Variants in NIPSNAP1 observed in about 807,000 individuals in gnomAD.
NIPSNAP1 encodes protein NipSnap homolog 1.
A neutral mutation model predicts 49.2 loss-of-function variants in NIPSNAP1; 25 were observed. That is an observed-to-expected ratio of 0.51 (90% CI 0.37 to 0.71). NIPSNAP1 has a LOEUF of 0.71. Ranked by LOEUF, NIPSNAP1 falls within the 30% of genes least tolerant of loss-of-function variation. NIPSNAP1 has a pLI of 0.00. For missense variants in NIPSNAP1, 294 were observed against 361.0 expected (o/e 0.81, Z 1.50); for synonymous variants, 143 against 140.7 (o/e 1.02, Z -0.12).
chr22:29,570,148 T>G lies in NIPSNAP1; in HGVS notation c.272+14A>C. On this transcript the variant is annotated intron_variant, in intron 3 of 9. Transcript: ENST00000216121. ...CCAAGCAGGGGATGGGATGTATGGA[T>G]GCAGGGTGCTCACGTGAGGCTGTTG... 2 of 1,613,384 alleles carry G rather than the reference T, an allele frequency of 1.2e-6. No individual in the cohort carries two copies. Among genetic ancestry groups the G allele is most frequent in the Non-Finnish European group, 1.7e-6 (2 of 1,179,444 alleles).
intron 1 of NIPSNAP1, among the ~76,000 whole-genome samples, chr22:29,577,032 C>A (rs1246784350): frequency 6.6e-6 from 1 of 151,246 alleles, no homozygotes; most frequent in Non-Finnish European, 1.5e-5. Context: ...TGAGCACAAG[C>A]TCTGGACAAA....
chr22:29,557,985 G>A (rs2064307729), intron 9 of NIPSNAP1, among the ~76,000 whole-genome samples: 1 of 152,158 alleles, frequency 6.6e-6, no homozygotes, highest in Non-Finnish European at 1.5e-5. Flanking sequence ...GTTCAAGGCT[G>A]GGCACAGTAG....
intron 1 of NIPSNAP1, among the ~76,000 whole-genome samples, chr22:29,578,592 G>A (rs2064473397): frequency 6.6e-6 from 1 of 151,362 alleles, no homozygotes; most frequent in South Asian, 2.1e-4. Flanking sequence ...GAGATATGGG[G>A]CAGCCTGAGG....
rs1186718807 is a variant in NIPSNAP1, at chr22:29,555,654, G to GAA, written c.*279_*280dup. On this transcript the variant is annotated 3_prime_UTR_variant, in exon 10 of 10. Transcript: ENST00000216121. Reference sequence around the variant, plus strand: ...GGTGGCCTTGAGATGAGGAATTTTAGAAGATAAATGAAGGCCTAAAAGATC... The same window carrying GAA: ...GGTGGCCTTGAGATGAGGAATTTTAGAAAAGATAAATGAAGGCCTAAAAGATC... 1 of 435,606 alleles carries GAA rather than the reference G, an allele frequency of 2.3e-6. No homozygotes were observed. The highest frequency in any genetic ancestry group is 4.5e-5 in the East Asian group (1 of 22,230). The allele number at this position is 435,606 out of a possible 1,614,324, so 27.0% of individuals were successfully genotyped here. A position where few individuals can be genotyped will look rare whatever the true frequency, so the allele number is the denominator to read the frequency against.
chr22:29,568,521 G>A lies in NIPSNAP1; in HGVS notation c.367+672C>T, dbSNP rs200280347. On this transcript the variant is annotated intron_variant, in intron 4 of 9. Transcript: ENST00000216121. ...GAAAAAAAAAAAAAAGGCCGGGTGC[G>A]GTGGCTCACACCTGTAATCCCAGCA... 4.5e-4 allele frequency among the ~76,000 whole-genome samples: 67 copies of A among 150,282 alleles called. 1 individual carries two copies. The highest frequency in any genetic ancestry group is 3.6e-3 in the South Asian group (17 of 4,776).
Position 29,581,068 on chromosome 22 carries a change from C to G in NIPSNAP1, c.15G>C (p.Leu5=). ...GCCGCGCCGTCACAGAGATGCTGCA[C>G]AGCCGCGGAGCCATGTTGGAGCCGC... MAPR[L]CSISVTARRL... Residue 5 remains leucine (L), a synonymous_variant, in exon 1 of 10, where the codon CTG becomes CTC. Coordinates refer to ENST00000216121, the MANE Select transcript of NIPSNAP1 (RefSeq NM_003634.4). The G allele has an allele frequency of 6.5e-7, 1 of 1,541,876 alleles. No homozygotes were observed. The highest frequency in any genetic ancestry group is 8.7e-7 in the Non-Finnish European group (1 of 1,146,144).
chr22:29,560,343 G>C (rs1053529781), intron 8 of NIPSNAP1, among the ~76,000 whole-genome samples: 1 of 151,872 alleles, frequency 6.6e-6, no homozygotes, highest in South Asian at 2.1e-4. Context: ...CACCTCCCGG[G>C]TTCAACTGAT....
At chr22:29,563,290 G>A (rs2064348873) in intron 4 of NIPSNAP1, among the ~76,000 whole-genome samples, 1 of 151,632 alleles carries the variant, frequency 6.6e-6, no homozygotes, top group Admixed American at 6.6e-5. Context: ...TCAACTTTGG[G>A]AGGCTGAGGC....
intron 1 of NIPSNAP1, among the ~76,000 whole-genome samples, chr22:29,573,820 T>TC (rs2064428857): frequency 6.7e-6 from 1 of 149,462 alleles, no homozygotes; most frequent in African/African-American, 2.5e-5. Flanking sequence ...GCGCCTGTAG[T>TC]CCCAGCTACT....
chr22:29,569,925 G>T, intron 3 of NIPSNAP1: 1 of 523,976 alleles, frequency 1.9e-6, no homozygotes, highest in Non-Finnish European at 3.4e-6. Flanking sequence ...GGAGGCAGAG[G>T]TTGCAGTGAG....
chr22:29,566,326 AGACAGG>A (rs2064368186), intron 4 of NIPSNAP1, among the ~76,000 whole-genome samples: 1 of 151,264 alleles, frequency 6.6e-6, no homozygotes, highest in South Asian at 2.1e-4. Context: ...TCTTTTTTAG[AGACAGG>A]GTCCTCACTG....
intron 1 of NIPSNAP1, among the ~76,000 whole-genome samples, chr22:29,578,916 A>G (rs2064475522): frequency 1.3e-5 from 2 of 151,152 alleles, no homozygotes; most frequent in Admixed American, 6.6e-5. Context: ...TGATATTTTT[A>G]TCTGGAAAAC....
intron 8 of NIPSNAP1, among the ~76,000 whole-genome samples, chr22:29,559,263 A>G (rs468224): frequency 0.79 from 120,606 of 152,176 alleles, 48,214 homozygotes; most frequent in African/African-American, 0.87. Flanking sequence ...ACTTCCGGCT[A>G]GGTGCGGTGG....
intron 9 of NIPSNAP1, among the ~76,000 whole-genome samples, chr22:29,556,439 G>A (rs1021634285): frequency 2.0e-5 from 3 of 151,980 alleles, no homozygotes; most frequent in African/African-American, 4.8e-5. Context: ...CAGGAGAATC[G>A]CTTGAACCCG....
At position 29,556,115 on chromosome 22, in the gene NIPSNAP1, G is replaced by C. The variant is rs901804618; in HGVS notation, c.791-116C>G. On this transcript the variant is annotated intron_variant, in intron 9 of 9. Transcript: ENST00000216121. ...GGCAGGAGGAGGCCCCAGATGCTGC[G>C]ACAGGAATGTCCCATTGCCCTCGTG... 7 of 810,002 alleles carry C rather than the reference G, an allele frequency of 8.6e-6. No individual in the cohort carries two copies. In the East Asian group the frequency reaches 1.6e-4, roughly 19 times the overall value. 50.2% of individuals were successfully genotyped at this position (810,002 alleles called of 1,614,324 possible).
chr22:29,575,568 A>G (rs1473808649), intron 1 of NIPSNAP1, among the ~76,000 whole-genome samples: 1 of 152,092 alleles, frequency 6.6e-6, no homozygotes, highest in Non-Finnish European at 1.5e-5. Flanking sequence ...TGACCTCCCC[A>G]AGCCCTCTCT....
Position 29,555,654 on chromosome 22 carries a change from G to T in NIPSNAP1, c.*281C>A. 1 of 435,724 alleles carries T rather than the reference G, an allele frequency of 2.3e-6. No homozygotes were observed. The highest frequency in any genetic ancestry group is 4.3e-6 in the Non-Finnish European group (1 of 233,242). 27.0% of individuals were successfully genotyped at this position (435,724 alleles called of 1,614,324 possible). ...GGTGGCCTTGAGATGAGGAATTTTA[G>T]AAGATAAATGAAGGCCTAAAAGATC... On this transcript the variant is annotated 3_prime_UTR_variant, in exon 10 of 10. Transcript: ENST00000216121.
chr22:29,576,258 G>C (rs1190564299), intron 1 of NIPSNAP1, among the ~76,000 whole-genome samples: 1 of 150,988 alleles, frequency 6.6e-6, no homozygotes, highest in African/African-American at 2.5e-5. Context: ...GACCTCAAGT[G>C]ATCTGCCTGA....
intron 1 of NIPSNAP1, among the ~76,000 whole-genome samples, chr22:29,575,928 G>A (rs2064448581): frequency 6.6e-6 from 1 of 151,722 alleles, no homozygotes; most frequent in Non-Finnish European, 1.5e-5. Context: ...TAGCCAGGCT[G>A]GTCTCGAACT....
Sources: allele counts gnomAD v4.1 joint callset (sites outside exome capture counted in the v4.1 genomes callset), GRCh38; gene constraint gnomAD v4.1.1; transcripts MANE v1.5; gene names NCBI Gene and HGNC (gene_info 2026-07-23, HGNC 2026-07-21).